HECW1: variants seen among roughly 807,000 people sequenced by gnomAD.
HECW1 encodes HECT, C2 and WW domain containing E3 ubiquitin protein ligase 1.
Under a neutral mutation model 182.3 loss-of-function variants are expected in HECW1, and 61 were observed. The ratio of observed to expected loss-of-function variants is 0.33; its 90% CI spans 0.27 to 0.41. HECW1 has a LOEUF of 0.41. Ranked by LOEUF, HECW1 falls within the 10% of genes least tolerant of loss-of-function variation. The pLI is 1.00. For synonymous variants in HECW1, 859 were observed against 832.6 expected, an observed-to-expected ratio of 1.03 and a Z score of -0.55; for missense variants, 1,739 against 2,108.9, an observed-to-expected ratio of 0.82 and a Z score of 3.44.
rs769661372 is a variant in HECW1 at position 43,552,225 on chromosome 7, G to A, written c.4399G>A (p.Val1467Ile). 5 of 1,609,034 alleles carry A rather than the reference G, an allele frequency of 3.1e-6. No homozygotes were observed. Among genetic ancestry groups the A allele is most frequent in the South Asian group, 1.1e-5 (1 of 90,992 alleles). ...TGAAGCCTAACCTGCATTTCAGGTTGTAGACTCGAGGCTGGTGTCCGTGTT... is the reference window on the plus strand; with the variant it reads ...TGAAGCCTAACCTGCATTTCAGGTTATAGACTCGAGGCTGGTGTCCGTGTT... ...EALVRGFYEV[V>I]DSRLVSVFDA... The change falls in exon 28 of 30, where the codon GTA (valine) becomes ATA (isoleucine). Residue 1467 changes from valine to isoleucine, a missense_variant. Physicochemically the swap from Val to Ile is conservative, Grantham distance 29 (BLOSUM62 3). Coordinates refer to ENST00000395891, the MANE Select transcript of HECW1 (RefSeq NM_015052.5).
chr7:43,163,694 C>T (rs537551103), intron 2 of HECW1, among the ~76,000 whole-genome samples: 1 of 152,150 alleles, frequency 6.6e-6, no homozygotes, highest in Non-Finnish European at 1.5e-5. Context: ...TAAGCTCCCC[C>T]AAATGGCTCT....
chr7:43,253,304 T>C (rs1800226941), intron 3 of HECW1, among the ~76,000 whole-genome samples: 1 of 152,300 alleles, frequency 6.6e-6, no homozygotes, highest in African/African-American at 2.4e-5. Flanking sequence ...TCCTGCCACA[T>C]GCCTACACAT....
At chr7:43,429,846 C>T (rs2076486689) in intron 8 of HECW1, among the ~76,000 whole-genome samples, 1 of 152,108 alleles carries the variant, frequency 6.6e-6, no homozygotes, top group African/African-American at 2.4e-5. Flanking sequence ...TTTTCATTTC[C>T]CCCCTTTATA....
At position 43,143,292 on chromosome 7, in the gene HECW1, A is replaced by G. The variant is rs529935555; in HGVS notation, c.-32+28901A>G. ...GGCCAAGGCCGCCTTTCTTTTTTAT[A>G]TATTGTTTTGAGACAAGGTCTCGCT... On this transcript the variant is annotated intron_variant, in intron 2 of 29. Transcript: ENST00000395891. 8.0e-4 allele frequency among the ~76,000 whole-genome samples: 121 copies of G among 150,874 alleles called. 1 individual carries two copies. The highest frequency in any genetic ancestry group is 8.0e-3 in the South Asian group (38 of 4,744).
chr7:43,168,240 C>G (rs1337617956), intron 2 of HECW1, among the ~76,000 whole-genome samples: 1 of 152,028 alleles, frequency 6.6e-6, no homozygotes, highest in Non-Finnish European at 1.5e-5. Context: ...TAATTCAGAC[C>G]ACAATTATAT....
chr7:43,137,174 C>G (rs1371136190), intron 2 of HECW1, among the ~76,000 whole-genome samples: 2 of 152,178 alleles, frequency 1.3e-5, no homozygotes, highest in African/African-American at 4.8e-5. Context: ...CGCTTCATGT[C>G]TGAATCACCG....
chr7:43,237,883 G>T (rs1257478095), intron 2 of HECW1, among the ~76,000 whole-genome samples: 1 of 151,544 alleles, frequency 6.6e-6, no homozygotes, highest in Admixed American at 6.6e-5. Context: ...GTAGGACTTA[G>T]TCTGCTTGCA....
intron 6 of HECW1, among the ~76,000 whole-genome samples, chr7:43,395,836 G>A (rs1032297566): frequency 2.6e-5 from 4 of 152,170 alleles, no homozygotes; most frequent in Non-Finnish European, 4.4e-5. Context: ...ATATCAGGCA[G>A]GTTGATGTGA....
chr7:43,384,050 G>A (rs1341878441), intron 6 of HECW1, among the ~76,000 whole-genome samples: 2 of 152,190 alleles, frequency 1.3e-5, no homozygotes, highest in African/African-American at 4.8e-5. Flanking sequence ...TGCTGTCTCT[G>A]AGTTGGTGCT....
At chr7:43,434,342 G>A (rs2076644431) in intron 8 of HECW1, among the ~76,000 whole-genome samples, 1 of 152,252 alleles carries the variant, frequency 6.6e-6, no homozygotes, top group Non-Finnish European at 1.5e-5. Flanking sequence ...TAGGAATGGA[G>A]AGGGAAGAAA....
At chr7:43,410,812 T>G (rs1336899031) in intron 8 of HECW1, among the ~76,000 whole-genome samples, 1 of 152,172 alleles carries the variant, frequency 6.6e-6, no homozygotes, top group Non-Finnish European at 1.5e-5. Flanking sequence ...AAGTATTGTT[T>G]TATTGTCTTT....
At chr7:43,172,123 CAA>C (rs537618606) in intron 2 of HECW1, among the ~76,000 whole-genome samples, 3 of 75,124 alleles carry the variant, frequency 4.0e-5, no homozygotes, top group Admixed American at 1.7e-4. Context: ...ACTAAAAATA[CAA>C]AAAAAAAAAA....
At chr7:43,360,313 G>A (rs1043528569) in intron 5 of HECW1, among the ~76,000 whole-genome samples, 1 of 151,598 alleles carries the variant, frequency 6.6e-6, no homozygotes, top group Non-Finnish European at 1.5e-5. Context: ...CTGAGCTCAA[G>A]TGATCCTCCT....
At chr7:43,427,576 A>T (rs145480095) in intron 8 of HECW1, among the ~76,000 whole-genome samples, 2 of 152,240 alleles carry the variant, frequency 1.3e-5, no homozygotes, top group African/African-American at 4.8e-5. Context: ...CTATCAGTAC[A>T]TAACAAATTG....
intron 29 of HECW1, among the ~76,000 whole-genome samples, chr7:43,559,093 A>T (rs988322081): frequency 6.6e-6 from 1 of 152,188 alleles, no homozygotes; most frequent in Non-Finnish European, 1.5e-5. Flanking sequence ...TCTCTAGTAG[A>T]GAGGAGCAAG....
intron 2 of HECW1, among the ~76,000 whole-genome samples, chr7:43,146,625 C>T (rs772471171): frequency 6.6e-6 from 1 of 152,204 alleles, no homozygotes; most frequent in African/African-American, 2.4e-5. Flanking sequence ...CTTGTCTATT[C>T]ACCTGGTGGT....
chr7:43,175,324 T>G (rs562743881), intron 2 of HECW1, among the ~76,000 whole-genome samples: 1 of 152,350 alleles, frequency 6.6e-6, no homozygotes, highest in African/African-American at 2.4e-5. Context: ...TTGTTATAGC[T>G]ACAGTCACCA....
At chr7:43,206,409 CTTTTAT>C in intron 2 of HECW1, among the ~76,000 whole-genome samples, 1 of 152,230 alleles carries the variant, frequency 6.6e-6, no homozygotes, top group South Asian at 2.1e-4. Flanking sequence ...TTTTTCTGGT[CTTTTAT>C]TTTTTGTCTC....
chr7:43,427,935 G>T (rs1216563075), intron 8 of HECW1, among the ~76,000 whole-genome samples: 1 of 152,096 alleles, frequency 6.6e-6, no homozygotes, highest in Non-Finnish European at 1.5e-5. Context: ...ATCTAATTAG[G>T]TCAGGCTCAC....
Sources: allele counts gnomAD v4.1 joint callset (sites outside exome capture counted in the v4.1 genomes callset), GRCh38; gene constraint gnomAD v4.1.1; transcripts MANE v1.5; gene names NCBI Gene and HGNC (gene_info 2026-07-23, HGNC 2026-07-21).